Variants in SYNPO2 observed in about 807,000 individuals in gnomAD.
SYNPO2 encodes the protein synaptopodin 2.
In SYNPO2, 56 loss-of-function variants were observed where a neutral mutation model predicts 85.0. The observed-to-expected ratio is 0.66, with a 90% CI of 0.53 to 0.82. The LOEUF (loss-of-function observed/expected upper bound fraction) is 0.82, where lower values mean the gene tolerates loss of function less well. SYNPO2 is among the 40% of genes least tolerant of loss of function. The pLI is 0.00. For missense variants in SYNPO2, 1,575 were observed against 1,534.2 expected (o/e 1.03, Z -0.44); for synonymous variants, 602 against 591.1 (o/e 1.02, Z -0.27).
At chr4:118,935,995 G>A (rs1017451274) in intron 1 of SYNPO2, among the ~76,000 whole-genome samples, 3 of 152,130 alleles carry the variant, frequency 2.0e-5, no homozygotes, top group Admixed American at 6.6e-5. Flanking sequence ...AGAAGGGGAA[G>A]CAGGAGAGGC....
At chr4:118,909,478 G>A (rs895379899) in intron 1 of SYNPO2, among the ~76,000 whole-genome samples, 4 of 152,304 alleles carry the variant, frequency 2.6e-5, no homozygotes, top group East Asian at 1.9e-4. Flanking sequence ...GAGAGAGTAC[G>A]TGGGAACTTA....
intron 1 of SYNPO2, among the ~76,000 whole-genome samples, chr4:119,008,779 TTAACTC>T (rs1354027354): frequency 6.6e-6 from 1 of 152,174 alleles, no homozygotes; most frequent in African/African-American, 2.4e-5. Context: ...TTGCTGAACT[TTAACTC>T]TTACTAAACA....
chr4:118,944,968 ATGACCT>A (rs1218623679), intron 1 of SYNPO2, among the ~76,000 whole-genome samples: 2 of 152,232 alleles, frequency 1.3e-5, no homozygotes, highest in Non-Finnish European at 2.9e-5. Context: ...TGACTTGTGC[ATGACCT>A]TGGACTAGTT....
intron 4 of SYNPO2, among the ~76,000 whole-genome samples, chr4:119,046,967 G>A (rs1045626038): frequency 8.5e-5 from 13 of 152,334 alleles, no homozygotes; most frequent in African/African-American, 3.1e-4. Flanking sequence ...TGACTGGTGA[G>A]TAACAGAACC....
intron 1 of SYNPO2, among the ~76,000 whole-genome samples, chr4:118,944,255 C>T (rs1734421992): frequency 6.6e-6 from 1 of 152,080 alleles, no homozygotes; most frequent in Non-Finnish European, 1.5e-5. Context: ...TGCTACCAGT[C>T]TACTCGCAGT....
chr4:118,968,019 A>G (rs1206770884), intron 1 of SYNPO2, among the ~76,000 whole-genome samples: 1 of 152,240 alleles, frequency 6.6e-6, no homozygotes, highest in East Asian at 1.9e-4. Flanking sequence ...TTCAAATAAC[A>G]TAGCTTAGTG....
chr4:118,862,638 G>C lies in SYNPO2; in HGVS notation c.12+11698G>C, dbSNP rs573356221. Among the ~76,000 whole-genome samples, 3 of 152,120 alleles carry C rather than the reference G, an allele frequency of 2.0e-5. No individual in the cohort carries two copies. The East Asian group carries it at 5.8e-4, about 29-fold the overall frequency. On this transcript the variant is annotated intron_variant, in intron 1 of 4. Transcript: ENST00000610556. ...TATGATATACTGCATTGATTGATTTGCATATGTTGAACCATTCCTTGCATC... is the reference window on the plus strand; with the variant it reads ...TATGATATACTGCATTGATTGATTTCCATATGTTGAACCATTCCTTGCATC...
intron 1 of SYNPO2, among the ~76,000 whole-genome samples, chr4:118,929,518 G>A (rs537832253): frequency 6.6e-6 from 1 of 152,064 alleles, no homozygotes; most frequent in East Asian, 1.9e-4. Context: ...CCTAAGTAAA[G>A]TGAAGAGCTG....
intron 1 of SYNPO2, among the ~76,000 whole-genome samples, chr4:118,948,065 A>T (rs543363656): frequency 1.6e-4 from 24 of 152,090 alleles, no homozygotes; most frequent in Admixed American, 8.5e-4. Flanking sequence ...GTAAAAGAAT[A>T]AAAAAAACAC....
chr4:119,037,399 A>C, intron 4 of SYNPO2: 1 of 1,205,410 alleles, frequency 8.3e-7, no homozygotes, highest in Non-Finnish European at 1.0e-6. Context: ...AAAAATTCAC[A>C]TTCTAAGAAT....
At chr4:118,990,384 C>A (rs1736371983) in intron 1 of SYNPO2, among the ~76,000 whole-genome samples, 1 of 152,000 alleles carries the variant, frequency 6.6e-6, no homozygotes, top group African/African-American at 2.4e-5. Context: ...TTTGCTTGAC[C>A]CTGAAGAATC....
intron 1 of SYNPO2, among the ~76,000 whole-genome samples, chr4:118,977,153 G>GA (rs1445733901): frequency 1.3e-5 from 2 of 152,224 alleles, no homozygotes; most frequent in Non-Finnish European, 2.9e-5. Flanking sequence ...GAGGGGGTGG[G>GA]AGGCTCAGGC....
chr4:118,853,736 T>G (rs1197448021), intron 1 of SYNPO2, among the ~76,000 whole-genome samples: 1 of 152,148 alleles, frequency 6.6e-6, no homozygotes, highest in African/African-American at 2.4e-5. Flanking sequence ...CCTCCTACAG[T>G]CTTGGCATTG....
rs1560874354 is a variant in SYNPO2, at chr4:118,927,754, G to GATAT, written c.105+38616_105+38617insTATA. ...TAGATAGATAGATAGATAGATGATA[G>GATAT]ATAGATATATAGATAGATAGATGAT... On this transcript the variant is annotated intron_variant, in intron 1 of 4. Coordinates refer to ENST00000307142, the MANE Select transcript of SYNPO2 (RefSeq NM_133477.3). 2.2e-5 allele frequency among the ~76,000 whole-genome samples: 3 copies of GATAT among 137,696 alleles called. No homozygotes were observed. The Admixed American group carries it at 2.2e-4, about 10-fold the overall frequency. The allele number at this position is 137,696 out of a possible 152,430, so 90.3% of individuals were successfully genotyped here. A position where few individuals can be genotyped will look rare whatever the true frequency, so the allele number is the denominator to read the frequency against.
intron 2 of SYNPO2, among the ~76,000 whole-genome samples, chr4:119,024,990 A>G (rs1190074658): frequency 2.6e-5 from 4 of 152,244 alleles, no homozygotes; most frequent in Non-Finnish European, 2.9e-5. Flanking sequence ...TAAAAATTCT[A>G]TAATTGTGAC....
intron 1 of SYNPO2, among the ~76,000 whole-genome samples, chr4:118,900,782 T>TCTATCTATCTATCTAC (rs1455274930): frequency 3.4e-5 from 5 of 147,322 alleles, no homozygotes; most frequent in African/African-American, 1.3e-4. Context: ...TATCTATCTA[T>TCTATCTATCTATCTAC]CTATAGATAT....
intron 1 of SYNPO2, among the ~76,000 whole-genome samples, chr4:118,916,237 A>G (rs1318255117): frequency 1.3e-5 from 2 of 151,396 alleles, no homozygotes; most frequent in Non-Finnish European, 2.9e-5. Flanking sequence ...CAGTGGTACA[A>G]TCTTAGCTCA....
chr4:118,887,654 C>A (rs1248601480), upstream of SYNPO2, among the ~76,000 whole-genome samples: 1 of 152,106 alleles, frequency 6.6e-6, no homozygotes, highest in Admixed American at 6.6e-5. Context: ...GTGTTTTAAT[C>A]TTATTTAAAA....
At chr4:119,039,970 C>G (rs753798981) in intron 4 of SYNPO2, among the ~76,000 whole-genome samples, 5 of 152,160 alleles carry the variant, frequency 3.3e-5, no homozygotes, top group African/African-American at 7.2e-5. Context: ...CTCTGAGTCC[C>G]AGGCCTGCCT....
Sources: allele counts gnomAD v4.1 joint callset (sites outside exome capture counted in the v4.1 genomes callset), GRCh38; gene constraint gnomAD v4.1.1; transcripts MANE v1.5; gene names NCBI Gene and HGNC (gene_info 2026-07-23, HGNC 2026-07-21).